RBFOX1: variants seen among roughly 807,000 people sequenced by gnomAD.
RBFOX1 encodes RNA binding protein fox-1 homolog 1.
Under a neutral mutation model 57.7 loss-of-function variants are expected in RBFOX1, and 8 were observed. The ratio of observed to expected loss-of-function variants is 0.14; its 90% CI spans 0.08 to 0.25. The LOEUF (loss-of-function observed/expected upper bound fraction) is 0.25. Ranked by LOEUF, RBFOX1 falls within the 10% of genes least tolerant of loss-of-function variation. RBFOX1 has a pLI of 1.00. For synonymous variants in RBFOX1, 326 were observed against 222.4 expected (o/e 1.47, Z -4.15); for missense variants, 611 against 548.5 (o/e 1.11, Z -1.14).
chr16:5,626,699 G>A (rs942837390), intron 3 of RBFOX1, among the ~76,000 whole-genome samples: 8 of 152,096 alleles, frequency 5.3e-5, no homozygotes, highest in African/African-American at 1.4e-4. Flanking sequence ...TTATACTCCC[G>A]TGCTTTGGGA....
chr16:6,650,211 T>C (rs1018791532), intron 2 of RBFOX1, among the ~76,000 whole-genome samples: 9 of 152,128 alleles, frequency 5.9e-5, no homozygotes, highest in Non-Finnish European at 1.0e-4. Context: ...GGTTGGAGAG[T>C]CTCACTTTGA....
At chr16:7,710,400 G>A (rs1309398372) in intron 15 of RBFOX1, 2 of 1,389,364 alleles carry the variant, frequency 1.4e-6, no homozygotes, top group Non-Finnish European at 1.8e-6. Context: ...AAGAGGACTG[G>A]CTGACAGAAT....
At chr16:5,395,764 C>G (rs2066535419) in intron 1 of RBFOX1, among the ~76,000 whole-genome samples, 1 of 152,228 alleles carries the variant, frequency 6.6e-6, no homozygotes, top group Non-Finnish European at 1.5e-5. Context: ...GACTCGCATT[C>G]TTTCCACTGC....
intron 2 of RBFOX1, among the ~76,000 whole-genome samples, chr16:6,584,837 G>T (rs1390644909): frequency 6.6e-6 from 1 of 152,176 alleles, no homozygotes; most frequent in Non-Finnish European, 1.5e-5. Flanking sequence ...GCCTCCAGCC[G>T]ATGTCTCATG....
chr16:5,272,916 G>T (rs1281490931), intron 1 of RBFOX1, among the ~76,000 whole-genome samples: 1 of 152,220 alleles, frequency 6.6e-6, no homozygotes, highest in Non-Finnish European at 1.5e-5. Flanking sequence ...ATGGGATTCA[G>T]CCTTTGGAAA....
intron 1 of RBFOX1, among the ~76,000 whole-genome samples, chr16:6,020,340 A>T (rs1232127374): frequency 1.3e-5 from 2 of 151,984 alleles, no homozygotes; most frequent in East Asian, 3.9e-4. Context: ...CACTTTGATT[A>T]GTCTCCCTGG....
chr16:6,341,332 C>G (rs1364319408), intron 2 of RBFOX1, among the ~76,000 whole-genome samples: 5 of 152,108 alleles, frequency 3.3e-5, no homozygotes, highest in East Asian at 1.9e-4. Context: ...TCAAATCCCT[C>G]TGATACTGAC....
intron 3 of RBFOX1, among the ~76,000 whole-genome samples, chr16:5,750,171 C>T (rs2053140076): frequency 6.6e-6 from 1 of 152,162 alleles, no homozygotes; most frequent in South Asian, 2.1e-4. Context: ...GCAGAGGCTG[C>T]AGAACAGCGA....
At chr16:6,923,928 T>C (rs1159027697) in intron 3 of RBFOX1, among the ~76,000 whole-genome samples, 1 of 152,040 alleles carries the variant, frequency 6.6e-6, no homozygotes, top group Non-Finnish European at 1.5e-5. Context: ...CCCAGCACTT[T>C]GGAGGCTGAG....
chr16:7,073,604 G>A (rs889184747), intron 4 of RBFOX1, among the ~76,000 whole-genome samples: 1 of 152,132 alleles, frequency 6.6e-6, no homozygotes, highest in African/African-American at 2.4e-5. Context: ...GCCCCTTTGG[G>A]AGGTCGAGGT....
intron 2 of RBFOX1, among the ~76,000 whole-genome samples, chr16:6,411,981 A>G (rs957711757): frequency 2.0e-5 from 3 of 151,990 alleles, no homozygotes; most frequent in Non-Finnish European, 2.9e-5. Flanking sequence ...AAAATACAAA[A>G]ATTAGCTGGG....
intron 4 of RBFOX1, among the ~76,000 whole-genome samples, chr16:7,460,003 G>T (rs761248885): frequency 5.9e-5 from 9 of 152,090 alleles, no homozygotes; most frequent in Non-Finnish European, 1.3e-4. Flanking sequence ...TTAAACAAGA[G>T]AAACAGGTAT....
chr16:6,496,459 A>C (rs1028177199), intron 2 of RBFOX1, among the ~76,000 whole-genome samples: 5 of 152,302 alleles, frequency 3.3e-5, no homozygotes, highest in East Asian at 3.9e-4. Flanking sequence ...CCTTACTTTT[A>C]ATAGCCGTGT....
chr16:7,688,457 C>T (rs1324423561), intron 14 of RBFOX1, among the ~76,000 whole-genome samples: 1 of 151,984 alleles, frequency 6.6e-6, no homozygotes, highest in South Asian at 2.1e-4. Flanking sequence ...GGAATGTTTA[C>T]GTCCCACCTG....
At chr16:6,184,751 T>C (rs2097094295) in intron 1 of RBFOX1, among the ~76,000 whole-genome samples, 1 of 151,530 alleles carries the variant, frequency 6.6e-6, no homozygotes, top group Non-Finnish European at 1.5e-5. Context: ...GTATTTTTAG[T>C]AGAGACGGGG....
chr16:6,793,555 T>A (rs1486371150), intron 3 of RBFOX1, among the ~76,000 whole-genome samples: 1 of 152,180 alleles, frequency 6.6e-6, no homozygotes, highest in African/African-American at 2.4e-5. Flanking sequence ...CTGCCTACAT[T>A]TCAATTCTTG....
intron 3 of RBFOX1, among the ~76,000 whole-genome samples, chr16:5,819,689 G>A (rs1374650727): frequency 6.6e-6 from 1 of 152,164 alleles, no homozygotes; most frequent in Non-Finnish European, 1.5e-5. Context: ...TGCTCCCACT[G>A]CCTGGAATAC....
At chr16:5,487,593 G>C (rs976998412) in intron 2 of RBFOX1, among the ~76,000 whole-genome samples, 9 of 152,202 alleles carry the variant, frequency 5.9e-5, no homozygotes. Flanking sequence ...TCGGGGCATT[G>C]AGACTTGTAT....
rs150657323 is a variant in RBFOX1, at chr16:6,086,302, G to A, written c.-127+66310G>A. 4.6e-5 allele frequency among the ~76,000 whole-genome samples: 7 copies of A among 152,176 alleles called. No individual in the cohort carries two copies. The East Asian group carries it at 7.7e-4, about 17-fold the overall frequency. On this transcript the variant is annotated intron_variant, in intron 1 of 15. Transcript: ENST00000550418. ...CATTTGCATGCTAAGTGCTTTCCCCGACTGTGTTATTTGCTGTTCACCCAG... is the reference window on the plus strand; with the variant it reads ...CATTTGCATGCTAAGTGCTTTCCCCAACTGTGTTATTTGCTGTTCACCCAG...
Sources: allele counts gnomAD v4.1 joint callset (sites outside exome capture counted in the v4.1 genomes callset), GRCh38; gene constraint gnomAD v4.1.1; transcripts MANE v1.5; gene names NCBI Gene and HGNC (gene_info 2026-07-23, HGNC 2026-07-21).